EFHD1: variants seen among roughly 807,000 people sequenced by gnomAD.
EFHD1 encodes EF-hand domain-containing protein D1.
In EFHD1, 10 loss-of-function variants were observed where a neutral mutation model predicts 17.2. The observed-to-expected ratio is 0.58, with a 90% CI of 0.36 to 0.99. The LOEUF is 0.99. Among genes scored for constraint, EFHD1 ranks in the 50% least tolerant of loss-of-function variants. The pLI is 0.01. For synonymous variants in EFHD1, 153 were observed against 142.0 expected, an observed-to-expected ratio of 1.08 and a Z score of -0.55; for missense variants, 310 against 327.5, an observed-to-expected ratio of 0.95 and a Z score of 0.41.
chr2:232,661,451 C>G (rs922737008), intron 1 of EFHD1, among the ~76,000 whole-genome samples: 1 of 152,244 alleles, frequency 6.6e-6, no homozygotes, highest in African/African-American at 2.4e-5. Context: ...GCAGAATGCC[C>G]TCAAGGTTCA....
intron 1 of EFHD1, among the ~76,000 whole-genome samples, chr2:232,606,382 G>C (rs1467865957): frequency 6.6e-6 from 1 of 152,206 alleles, no homozygotes; most frequent in Non-Finnish European, 1.5e-5. Context: ...GTCTCCCAGA[G>C]AATCTAAACT....
upstream of EFHD1, among the ~76,000 whole-genome samples, chr2:232,632,340 C>T (rs955937721): frequency 2.0e-5 from 3 of 152,216 alleles, no homozygotes; most frequent in African/African-American, 7.2e-5. Context: ...GCCCTGCACT[C>T]GCATGCCAAA....
chr2:232,642,862 G>T (rs1173889957), intron 1 of EFHD1, among the ~76,000 whole-genome samples: 1 of 152,112 alleles, frequency 6.6e-6, no homozygotes, highest in Non-Finnish European at 1.5e-5. Context: ...TGTGAGAGAC[G>T]ATCTATGCTG....
chr2:232,630,188 G>A (rs1287725703), upstream of EFHD1, among the ~76,000 whole-genome samples: 1 of 152,052 alleles, frequency 6.6e-6, no homozygotes, highest in Admixed American at 6.6e-5. Context: ...CACCTCAAAT[G>A]TTCCACCTGC....
rs1695196799 is a variant in EFHD1, at chr2:232,677,274, T to TCTTTCTATA, written c.586-4311_586-4310insCTTTCTATA. 4.9e-5 allele frequency among the ~76,000 whole-genome samples: 7 copies of TCTTTCTATA among 141,448 alleles called. No individual in the cohort carries two copies. In the East Asian group the frequency reaches 6.9e-4, roughly 14 times the overall value. The allele number at this position is 141,448 out of a possible 152,430, so 92.8% of individuals were successfully genotyped here. A position where few individuals can be genotyped will look rare whatever the true frequency, so the allele number is the denominator to read the frequency against. Reference sequence around the variant, plus strand: ...CACACATCTTTCTATAACACACACATACACACACACACACACACACGTACA... The same window carrying TCTTTCTATA: ...CACACATCTTTCTATAACACACACATCTTTCTATAACACACACACACACACACACGTACA... On this transcript the variant is annotated intron_variant, in intron 3 of 3. Transcript: ENST00000264059.
At chr2:232,646,536 C>G (rs1434390394) in intron 1 of EFHD1, among the ~76,000 whole-genome samples, 1 of 145,302 alleles carries the variant, frequency 6.9e-6, no homozygotes, top group Non-Finnish European at 1.5e-5. Flanking sequence ...CCTCCGCCTC[C>G]TGGGTTCAAG....
chr2:232,634,847 G>C (rs2106193912), intron 1 of EFHD1, among the ~76,000 whole-genome samples: 1 of 152,372 alleles, frequency 6.6e-6, no homozygotes, highest in African/African-American at 2.4e-5. Context: ...TCTTAACCGA[G>C]CTATTAATAT....
chr2:232,626,050 T>G (rs1200715151), intron 1 of EFHD1, among the ~76,000 whole-genome samples: 1 of 151,878 alleles, frequency 6.6e-6, no homozygotes, highest in Non-Finnish European at 1.5e-5. Context: ...TTAGCCAGGT[T>G]GGTGGCATGT....
chr2:232,662,591 C>A (rs1490110561), intron 1 of EFHD1: 3 of 503,126 alleles, frequency 6.0e-6, no homozygotes, highest in African/African-American at 4.1e-5. Context: ...ACATGAAAAC[C>A]AACAGGTAGT....
At chr2:232,657,879 C>T (rs1694790431) in intron 1 of EFHD1, among the ~76,000 whole-genome samples, 3 of 145,080 alleles carry the variant, frequency 2.1e-5, no homozygotes, top group Admixed American at 7.1e-5. Flanking sequence ...TGTTTAGGAC[C>T]TTGCATTTTT....
At chr2:232,664,904 C>T (rs1393148557) in intron 2 of EFHD1, among the ~76,000 whole-genome samples, 8 of 152,012 alleles carry the variant, frequency 5.3e-5, no homozygotes, top group African/African-American at 9.6e-5. Flanking sequence ...TGAGCCACCA[C>T]GCCCGGCCTA....
At chr2:232,649,413 T>TG (rs930611662) in intron 1 of EFHD1, among the ~76,000 whole-genome samples, 47 of 152,304 alleles carry the variant, frequency 3.1e-4, no homozygotes, top group African/African-American at 1.1e-3. Context: ...CCTTATCCTC[T>TG]GATAGGACTG....
upstream of EFHD1, among the ~76,000 whole-genome samples, chr2:232,631,846 A>G (rs926027766): frequency 6.6e-5 from 10 of 151,920 alleles, no homozygotes; most frequent in Non-Finnish European, 1.3e-4. Context: ...TACTAAAAAT[A>G]CAAAAAATTA....
intron 1 of EFHD1, among the ~76,000 whole-genome samples, chr2:232,615,636 T>C (rs1414006696): frequency 1.3e-5 from 2 of 151,772 alleles, no homozygotes; most frequent in Non-Finnish European, 2.9e-5. Context: ...TAACACTTTT[T>C]AAAAAATAGT....
rs1410950763 is a variant in EFHD1 at position 232,681,729 on chromosome 2, C to T, written c.*10C>T. On this transcript the variant is annotated 3_prime_UTR_variant, in exon 4 of 4. Transcript: ENST00000264059. ...CAACTTCAATACATAGTCCTGCTGA[C>T]CTTGCCCTCTGCCCACAGCTGTGCC... 10 of 1,612,728 alleles carry T rather than the reference C, an allele frequency of 6.2e-6. No homozygotes were observed. The highest frequency in any genetic ancestry group is 8.5e-6 in the Non-Finnish European group (10 of 1,179,428).
At chr2:232,649,519 A>G (rs1337190885) in intron 1 of EFHD1, among the ~76,000 whole-genome samples, 1 of 152,094 alleles carries the variant, frequency 6.6e-6, no homozygotes, top group African/African-American at 2.4e-5. Context: ...GCTAAAGATG[A>G]GGCTGTCTGG....
intron 1 of EFHD1, among the ~76,000 whole-genome samples, chr2:232,625,635 T>G (rs1574704943): frequency 6.6e-6 from 1 of 152,126 alleles, no homozygotes; most frequent in Non-Finnish European, 1.5e-5. Flanking sequence ...AACAGAATAC[T>G]CAGCTGCCAG....
exon 1 of EFHD1, chr2:232,606,145 G>C (rs536946992): frequency 6.5e-7 from 1 of 1,550,230 alleles, no homozygotes; most frequent in East Asian, 2.4e-5. Context: ...AACGCTGACA[G>C]TCCCCAGACA....
At chr2:232,606,553 A>C in intron 1 of EFHD1, 1 of 332,352 alleles carries the variant, frequency 3.0e-6, no homozygotes, top group Non-Finnish European at 5.9e-6. Context: ...GGGCTGGGGG[A>C]CCCTGAGCAG....
Sources: gnomAD v4.1 joint callset for allele counts (sites outside exome capture counted in the v4.1 genomes callset) on GRCh38, gnomAD v4.1.1 for gene constraint, MANE v1.5 for transcripts, NCBI Gene and HGNC (gene_info 2026-07-23, HGNC 2026-07-21) for gene names.